Variants in ITGA8 observed in about 807,000 individuals in gnomAD.
The protein encoded by ITGA8 is integrin subunit alpha 8.
Under a neutral mutation model 142.3 loss-of-function variants are expected in ITGA8, and 91 were observed. That is an observed-to-expected ratio of 0.64 (90% CI 0.54 to 0.76). The LOEUF (loss-of-function observed/expected upper bound fraction) is 0.76, where lower values mean the gene tolerates loss of function less well. Ranked by LOEUF, ITGA8 falls within the 30% of genes least tolerant of loss-of-function variation. ITGA8 has a pLI of 0.00. For synonymous variants in ITGA8, 505 were observed against 485.2 expected, an observed-to-expected ratio of 1.04 and a Z score of -0.54; for missense variants, 1,406 against 1,327.7, an observed-to-expected ratio of 1.06 and a Z score of -0.92.
At chr10:15,533,543 A>G (rs562782773) in intron 27 of ITGA8, among the ~76,000 whole-genome samples, 23 of 152,334 alleles carry the variant, frequency 1.5e-4, no homozygotes, top group African/African-American at 5.5e-4. Flanking sequence ...GTGGGTAAGG[A>G]TTATAATTAT....
chr10:15,562,768 C>A (rs1252263778), intron 25 of ITGA8, among the ~76,000 whole-genome samples: 1 of 152,178 alleles, frequency 6.6e-6, no homozygotes, highest in East Asian at 1.9e-4. Flanking sequence ...TAGCCCAGCA[C>A]TGTGGGCCCT....
intron 3 of ITGA8, among the ~76,000 whole-genome samples, chr10:15,687,373 C>A (rs1340899729): frequency 1.3e-5 from 2 of 152,072 alleles, no homozygotes; most frequent in East Asian, 3.8e-4. Context: ...AGACATGTAT[C>A]ATTGCTCAGA....
chr10:15,626,412 G>C (rs966130724), intron 13 of ITGA8, among the ~76,000 whole-genome samples: 5 of 152,008 alleles, frequency 3.3e-5, no homozygotes, highest in African/African-American at 7.2e-5. Flanking sequence ...GTAGACACAG[G>C]GTTTCACCAT....
At chr10:15,524,658 T>C (rs1171130710) in intron 28 of ITGA8, among the ~76,000 whole-genome samples, 2 of 152,242 alleles carry the variant, frequency 1.3e-5, no homozygotes, top group African/African-American at 4.8e-5. Context: ...CCACGCTCTG[T>C]ATAGATAAAC....
chr10:15,536,353 C>G (rs1417796479), intron 27 of ITGA8, among the ~76,000 whole-genome samples: 1 of 152,044 alleles, frequency 6.6e-6, no homozygotes, highest in East Asian at 1.9e-4. Flanking sequence ...GAATGGAAAA[C>G]GTGGTTTATT....
At chr10:15,672,361 C>T (rs1834539834) in intron 7 of ITGA8, among the ~76,000 whole-genome samples, 1 of 152,202 alleles carries the variant, frequency 6.6e-6, no homozygotes, top group Admixed American at 6.5e-5. Context: ...CCTGCTAATA[C>T]ATAGTATCTA....
intron 11 of ITGA8, among the ~76,000 whole-genome samples, chr10:15,654,760 A>G (rs1016678154): frequency 1.2e-4 from 18 of 152,178 alleles, no homozygotes; most frequent in African/African-American, 4.3e-4. Context: ...ATACATCTCA[A>G]TCTAATGGTT....
chr10:15,704,006 G>A (rs1748696841), intron 2 of ITGA8, among the ~76,000 whole-genome samples: 3 of 152,182 alleles, frequency 2.0e-5, no homozygotes, highest in African/African-American at 4.8e-5. Flanking sequence ...GAGGATGTCT[G>A]TCTTGCTCAC....
At chr10:15,607,395 G>A (rs1833214110) in intron 17 of ITGA8, among the ~76,000 whole-genome samples, 1 of 152,166 alleles carries the variant, frequency 6.6e-6, no homozygotes, top group Non-Finnish European at 1.5e-5. Context: ...GTATTTTGGG[G>A]AGGAGGTGGG....
chr10:15,547,111 G>A (rs900054491), intron 27 of ITGA8, among the ~76,000 whole-genome samples: 1 of 152,002 alleles, frequency 6.6e-6, no homozygotes, highest in African/African-American at 2.4e-5. Flanking sequence ...TTGTTTAGTA[G>A]TTAAAATGTG....
chr10:15,577,641 AC>A (rs1834325204), intron 23 of ITGA8, among the ~76,000 whole-genome samples: 1 of 152,206 alleles, frequency 6.6e-6, no homozygotes, highest in Non-Finnish European at 1.5e-5. Context: ...ATCCAGGGAA[AC>A]CATGGTAAAC....
At chr10:15,673,720 T>C (rs1400735665) in intron 6 of ITGA8, among the ~76,000 whole-genome samples, 1 of 152,170 alleles carries the variant, frequency 6.6e-6, no homozygotes, top group East Asian at 1.9e-4. Flanking sequence ...AGAGAGAGCA[T>C]AAAATTAGGA....
intron 9 of ITGA8, among the ~76,000 whole-genome samples, chr10:15,660,419 G>A (rs571225596): frequency 7.2e-5 from 11 of 152,350 alleles, no homozygotes; most frequent in African/African-American, 2.4e-4. Context: ...CCGTAAGCAA[G>A]CAGCATGAAT....
chr10:15,567,027 G>A (rs1834092788), intron 25 of ITGA8, among the ~76,000 whole-genome samples: 1 of 150,384 alleles, frequency 6.6e-6, no homozygotes, highest in African/African-American at 2.4e-5. Context: ...GTGTGGTGGC[G>A]GGTGCCAATC....
intron 13 of ITGA8, among the ~76,000 whole-genome samples, chr10:15,641,195 A>G (rs553839540): frequency 7.6e-4 from 116 of 152,310 alleles, no homozygotes; most frequent in Admixed American, 1.7e-3. Context: ...CTGGGACTAC[A>G]GGTGCATGCT....
chr10:15,573,823 C>T (rs1834232881), intron 24 of ITGA8, among the ~76,000 whole-genome samples: 1 of 151,786 alleles, frequency 6.6e-6, no homozygotes, highest in South Asian at 2.1e-4. Context: ...CCTGCCTGGT[C>T]CCTTGAAAAC....
intron 8 of ITGA8, among the ~76,000 whole-genome samples, chr10:15,668,681 T>C (rs1326426866): frequency 7.2e-5 from 11 of 152,126 alleles, no homozygotes; most frequent in Non-Finnish European, 1.6e-4. Context: ...CCATGTTTAG[T>C]GCTTCCTTCA....
chr10:15,696,862 A>AC, intron 2 of ITGA8, among the ~76,000 whole-genome samples: 2 of 120,424 alleles, frequency 1.7e-5, no homozygotes, highest in African/African-American at 7.8e-5. Context: ...AACTCTTACC[A>AC]AAAAAAAAAA....
intron 8 of ITGA8, 25 bp downstream of exon 8, chr10:15,671,578 A>G: frequency 1.3e-6 from 2 of 1,597,284 alleles, no homozygotes; most frequent in African/African-American, 1.3e-5. Flanking sequence ...TTTATAAGTG[A>G]TTTAAACTCA....
Sources: allele counts gnomAD v4.1 joint callset (sites outside exome capture counted in the v4.1 genomes callset), GRCh38; gene constraint gnomAD v4.1.1; transcripts MANE v1.5; gene names NCBI Gene and HGNC (gene_info 2026-07-23, HGNC 2026-07-21).